The following HP1BP3 variants were observed in gnomAD, a reference collection of about 807,000 sequenced individuals.
The protein encoded by HP1BP3 is heterochromatin protein 1 binding protein 3.
Under a neutral mutation model 62.5 loss-of-function variants are expected in HP1BP3, and 12 were observed. That is an observed-to-expected ratio of 0.19 (90% CI 0.12 to 0.31). The LOEUF (loss-of-function observed/expected upper bound fraction) is 0.31, where lower values mean the gene tolerates loss of function less well. Among genes scored for constraint, HP1BP3 ranks in the 10% least tolerant of loss-of-function variants. HP1BP3 has a pLI of 1.00. For synonymous variants in HP1BP3, 260 were observed against 237.8 expected (o/e 1.09, Z -0.86); for missense variants, 502 against 651.8 (o/e 0.77, Z 2.50).
chr1:20,775,241 G>C (rs935858806), intron 4 of HP1BP3, among the ~76,000 whole-genome samples: 2 of 152,156 alleles, frequency 1.3e-5, no homozygotes, highest in Non-Finnish European at 2.9e-5. Flanking sequence ...AGTGGGACAA[G>C]ATCTGGAGGT....
intron 9 of HP1BP3, among the ~76,000 whole-genome samples, chr1:20,752,479 A>G (rs2055831568): frequency 6.6e-6 from 1 of 151,816 alleles, no homozygotes; most frequent in South Asian, 2.1e-4. Context: ...TTCAGTAGAG[A>G]TGGGGTTTCA....
At chr1:20,765,175 T>TAAAAAAAAAA (rs4057761) in intron 8 of HP1BP3, among the ~76,000 whole-genome samples, 12 of 57,100 alleles carry the variant, frequency 2.1e-4, no homozygotes, top group East Asian at 1.0e-3. Flanking sequence ...CTCAAAAAAC[T>TAAAAAAAAAA]AAAAAAAAAA....
At chr1:20,780,210 G>T (rs2057481240) in intron 2 of HP1BP3, 135 bp downstream of exon 2, 1 of 667,364 alleles carries the variant, frequency 1.5e-6, no homozygotes, top group Non-Finnish European at 2.7e-6. Context: ...AAGATGAAAA[G>T]AATCTGATTT....
At chr1:20,761,165 C>T (rs1164365187) in intron 8 of HP1BP3, among the ~76,000 whole-genome samples, 2 of 152,066 alleles carry the variant, frequency 1.3e-5, no homozygotes, top group African/African-American at 4.8e-5. Flanking sequence ...TTGCCTTGGC[C>T]TCTTGAGTAG....
chr1:20,783,111 CAAT>C (rs139292183), intron 1 of HP1BP3, among the ~76,000 whole-genome samples: 67,542 of 149,852 alleles, frequency 0.45, 15,513 homozygotes, highest in African/African-American at 0.48. Flanking sequence ...GACCTTGGCT[CAAT>C]AATAATAATA....
intron 5 of HP1BP3, 131 bp from the exon 6 acceptor site, chr1:20,771,204 A>G: frequency 1.5e-6 from 1 of 680,996 alleles, no homozygotes; most frequent in Non-Finnish European, 2.5e-6. Context: ...TGAACTTCAG[A>G]AGACTTCAGT....
intron 2 of HP1BP3, 29 bp from the exon 3 acceptor site, chr1:20,779,940 A>G (rs1177120459): frequency 1.9e-6 from 3 of 1,548,982 alleles, no homozygotes; most frequent in Non-Finnish European, 8.8e-7. Context: ...ATAATCAAAC[A>G]TGCATTAAAA....
intron 10 of HP1BP3, among the ~76,000 whole-genome samples, chr1:20,749,353 TTTC>T (rs1018745891): frequency 1.1e-4 from 17 of 149,936 alleles, no homozygotes; most frequent in Non-Finnish European, 1.9e-4. Context: ...TTTTTTTTCT[TTTC>T]TTTTCTTTTC....
chr1:20,761,339 C>A (rs1393781968), intron 8 of HP1BP3, among the ~76,000 whole-genome samples: 2 of 152,098 alleles, frequency 1.3e-5, no homozygotes, highest in Non-Finnish European at 2.9e-5. Flanking sequence ...CAGTACCCAG[C>A]CTGTTTACTG....
At chr1:20,762,824 A>T (rs557510258) in intron 8 of HP1BP3, among the ~76,000 whole-genome samples, 45 of 152,250 alleles carry the variant, frequency 3.0e-4, no homozygotes, top group African/African-American at 1.1e-3. Context: ...GAACCTCCTG[A>T]GGCTGTGTCA....
intron 6 of HP1BP3, among the ~76,000 whole-genome samples, chr1:20,767,940 C>A (rs3014581): frequency 6.6e-6 from 1 of 152,308 alleles, no homozygotes; most frequent in African/African-American, 2.4e-5. Context: ...TGTGATACCA[C>A]GTTAAACAGT....
At chr1:20,760,835 CAAAT>C (rs922923131) in intron 8 of HP1BP3, among the ~76,000 whole-genome samples, 1 of 151,930 alleles carries the variant, frequency 6.6e-6, no homozygotes, top group Admixed American at 6.6e-5. Context: ...GATTCCTTCT[CAAAT>C]AAATAAATAA....
chr1:20,784,820 C>T (rs1312896217), intron 1 of HP1BP3, among the ~76,000 whole-genome samples: 1 of 152,126 alleles, frequency 6.6e-6, no homozygotes, highest in Non-Finnish European at 1.5e-5. Context: ...CAAAAATAAA[C>T]AGTCTGAGTT....
chr1:20,773,123 C>G (rs1208900954), intron 5 of HP1BP3, among the ~76,000 whole-genome samples: 2 of 152,172 alleles, frequency 1.3e-5, no homozygotes, highest in Non-Finnish European at 2.9e-5. Context: ...GGGCGCCCAA[C>G]AGAGGAAGGT....
intron 10 of HP1BP3, among the ~76,000 whole-genome samples, chr1:20,749,355 TC>T (rs2055559351): frequency 1.3e-5 from 2 of 149,834 alleles, no homozygotes; most frequent in African/African-American, 5.0e-5. Flanking sequence ...TTTTTTCTTT[TC>T]TTTTCTTTTC....
intron 1 of HP1BP3, among the ~76,000 whole-genome samples, chr1:20,782,837 T>G (rs796476536): frequency 2.0e-5 from 3 of 148,772 alleles, no homozygotes; most frequent in Admixed American, 6.8e-5. Context: ...GAGGCGGAGA[T>G]TGCAGTGAGC....
At chr1:20,779,050 A>G (rs1032778715) in intron 3 of HP1BP3, among the ~76,000 whole-genome samples, 1 of 152,124 alleles carries the variant, frequency 6.6e-6, no homozygotes, top group African/African-American at 2.4e-5. Flanking sequence ...TTGGCCTCCC[A>G]AAGTGCTGGG....
At chr1:20,753,226 G>A (rs577035458) in intron 9 of HP1BP3, among the ~76,000 whole-genome samples, 2 of 152,270 alleles carry the variant, frequency 1.3e-5, no homozygotes, top group African/African-American at 4.8e-5. Context: ...ACAGGCATGA[G>A]CCACCGCGCC....
In HP1BP3 at chr1:20,745,028, G is replaced by C; in HGVS notation, c.1431C>G (p.Ser477=). 6.2e-7 allele frequency: 1 copy of C among 1,614,126 alleles called. No homozygotes were observed. The highest frequency in any genetic ancestry group is 8.5e-7 in the Non-Finnish European group (1 of 1,180,020). ...CAGCTGAGACTTTAGGTGCAGGTTT[G>C]GACCCTCTCTGCTTCACAGATGCGG... is the stretch of plus-strand genomic sequence containing the variant. The part of the protein sequence containing the change: ...GKAASVKQRG[S]KPAPKVSAAQ... Residue 477 remains serine (S), a synonymous_variant, in exon 13 of 13, where the codon TCC becomes TCG. Coordinates refer to ENST00000438032, the MANE Select transcript of HP1BP3 (RefSeq NM_001372052.1).
Sources: allele counts gnomAD v4.1 joint callset (sites outside exome capture counted in the v4.1 genomes callset), GRCh38; gene constraint gnomAD v4.1.1; transcripts MANE v1.5; gene names NCBI Gene and HGNC (gene_info 2026-07-23, HGNC 2026-07-21).